Variants in GSR observed in about 807,000 individuals in gnomAD.
GSR encodes the protein glutathione reductase, mitochondrial.
A neutral mutation model predicts 56.5 loss-of-function variants in GSR; 48 were observed. That is an observed-to-expected ratio of 0.85 (90% CI 0.67 to 1.08). GSR has a LOEUF of 1.08. Among genes scored for constraint, GSR ranks in the 50% least tolerant of loss-of-function variants. GSR has a pLI of 0.00. For missense variants in GSR, 694 were observed against 703.3 expected (o/e 0.99, Z 0.15); for synonymous variants, 264 against 270.8 (o/e 0.97, Z 0.25).
rs369998485 is a variant in GSR, at chr8:30,708,147, A to G, written c.423-6T>C. On this transcript the variant is annotated splice_polypyrimidine_tract_variant and splice_region_variant and intron_variant, in intron 3 of 12. Transcript: ENST00000221130. Reference sequence around the variant, plus strand: ...CCCGCTTTTCCTTAATAACACTGCAATGAAACCCAAGTCAGTATTCAGAAA... The same window carrying G: ...CCCGCTTTTCCTTAATAACACTGCAGTGAAACCCAAGTCAGTATTCAGAAA... The G allele has an allele frequency of 1.2e-5, 19 of 1,603,160 alleles. No individual in the cohort carries two copies. The highest frequency in any genetic ancestry group is 8.9e-5 in the East Asian group (4 of 44,850).
chr8:30,709,389 G>T (rs1044474755), intron 3 of GSR, among the ~76,000 whole-genome samples: 4 of 151,942 alleles, frequency 2.6e-5, no homozygotes, highest in Non-Finnish European at 5.9e-5. Flanking sequence ...AAGGAATGAG[G>T]TTCTGATACA....
At chr8:30,702,437 G>A (rs1206360564) in intron 5 of GSR, among the ~76,000 whole-genome samples, 1 of 152,132 alleles carries the variant, frequency 6.6e-6, no homozygotes, top group Non-Finnish European at 1.5e-5. Flanking sequence ...AGAAAAATAT[G>A]CATATAAAAG....
chr8:30,702,660 T>C (rs1021298653), intron 5 of GSR, among the ~76,000 whole-genome samples: 1 of 152,006 alleles, frequency 6.6e-6, no homozygotes, highest in Non-Finnish European at 1.5e-5. Context: ...TGAAATCTCT[T>C]GGCTGGGCAC....
At chr8:30,708,311 C>T (rs181541895) in intron 3 of GSR, among the ~76,000 whole-genome samples, 170 bp from the exon 4 acceptor site, 31 of 152,280 alleles carry the variant, frequency 2.0e-4, no homozygotes, top group Middle Eastern at 3.4e-3. Flanking sequence ...CATTCTGCTG[C>T]CCCATGTGTT....
At chr8:30,725,979 A>G (rs961909271) in intron 1 of GSR, among the ~76,000 whole-genome samples, 1 of 152,160 alleles carries the variant, frequency 6.6e-6, no homozygotes, top group African/African-American at 2.4e-5. Context: ...AAGACAGAGA[A>G]AATGTGGAGA....
chr8:30,699,106 C>G (rs970967551), intron 6 of GSR, among the ~76,000 whole-genome samples: 1 of 151,936 alleles, frequency 6.6e-6, no homozygotes, highest in African/African-American at 2.4e-5. Context: ...GACAACAGAA[C>G]GAGACCCCAT....
chr8:30,707,579 G>C lies in GSR; in HGVS notation c.492+493C>G, dbSNP rs1803957802. Among the ~76,000 whole-genome samples the C allele has an allele frequency of 2.6e-5, 4 of 152,148 alleles. 1 individual carries two copies. The highest frequency in any genetic ancestry group is 2.6e-4 in the Admixed American group (4 of 15,246). ...GGAGACTGAGGTGGGAGGACTGCTT[G>C]AGCCCAGGACTTGGAGGCTACAGTG... is the stretch of plus-strand genomic sequence containing the variant. On this transcript the variant is annotated intron_variant, in intron 4 of 12. Transcript: ENST00000221130.
At chr8:30,708,814 C>T (rs2128745710) in intron 3 of GSR, among the ~76,000 whole-genome samples, 1 of 151,764 alleles carries the variant, frequency 6.6e-6, no homozygotes, top group Middle Eastern at 3.4e-3. Context: ...AAAAAATTAC[C>T]CAGGCATGCT....
At chr8:30,711,945 T>C in intron 2 of GSR, 117 bp downstream of exon 2, 1 of 670,984 alleles carries the variant, frequency 1.5e-6, no homozygotes, top group South Asian at 1.8e-5. Context: ...TAGTAGGGTC[T>C]AGGGGTTTTT....
Position 30,714,371 on chromosome 8 carries a change from T to C in GSR, c.307-2283A>G, listed in dbSNP as rs1474434754. On this transcript the variant is annotated intron_variant, in intron 1 of 12. Coordinates refer to ENST00000221130, the MANE Select transcript of GSR (RefSeq NM_000637.5). ...GACCACAGGCGTTCACCGCCATGCC[T>C]GGTATTTTTAGTAGAGACAGAGTCG... Among the ~76,000 whole-genome samples, 4 of 152,010 alleles carry C rather than the reference T, an allele frequency of 2.6e-5. 1 individual carries two copies. The South Asian group carries it at 6.2e-4, about 24-fold the overall frequency.
chr8:30,679,574 G>A lies in GSR; in HGVS notation c.1515C>T (p.Asp505=), dbSNP rs1802870856. ...VKMGATKADF[D]NTVAIHPTSS... ...AGGTAGGGTGAATGGCGACTGTGTT[G>A]TCAAAGTCTGCCTTCGTTGCTCCCA... Residue 505 remains aspartate (D), a synonymous_variant, in exon 13 of 13, where the codon GAC becomes GAT. Transcript: ENST00000221130. 2 of 1,614,052 alleles carry A rather than the reference G, an allele frequency of 1.2e-6. No individual in the cohort carries two copies. Among genetic ancestry groups the A allele is most frequent in the Non-Finnish European group, 1.7e-6 (2 of 1,179,946 alleles).
chr8:30,692,813 TCTTAGGA>T (rs1586042925), intron 8 of GSR, among the ~76,000 whole-genome samples, 149 bp downstream of exon 8: 1 of 151,858 alleles, frequency 6.6e-6, no homozygotes, highest in Non-Finnish European at 1.5e-5. Flanking sequence ...AAATACAGCT[TCTTAGGA>T]GGAAGGAAAT....
chr8:30,687,084 G>A lies in GSR; in HGVS notation c.1041+2077C>T, dbSNP rs1039542973. ...ACTCCTGACCTCAGGTGATCCACCC[G>A]CCTCAGCCTCCCAAAGAGCTGGGAT... On this transcript the variant is annotated intron_variant, in intron 9 of 12. Coordinates refer to ENST00000221130, the MANE Select transcript of GSR (RefSeq NM_000637.5). 2.0e-5 allele frequency among the ~76,000 whole-genome samples: 3 copies of A among 151,530 alleles called. No individual in the cohort carries two copies. The Admixed American group carries it at 2.0e-4, about 10-fold the overall frequency.
At chr8:30,681,905 T>C (rs200821383) in intron 11 of GSR, 25 bp downstream of exon 11, 1 of 1,611,396 alleles carries the variant, frequency 6.2e-7, no homozygotes, top group South Asian at 1.1e-5. Flanking sequence ...AAACCACAAA[T>C]GACCTTCAGT....
chr8:30,688,869 G>A (rs1803258989), intron 9 of GSR, among the ~76,000 whole-genome samples: 1 of 151,976 alleles, frequency 6.6e-6, no homozygotes, highest in South Asian at 2.1e-4. Flanking sequence ...ACTGCGGTGA[G>A]CTATGATCAC....
At chr8:30,708,934 G>A (rs1279277070) in intron 3 of GSR, among the ~76,000 whole-genome samples, 1 of 149,830 alleles carries the variant, frequency 6.7e-6, no homozygotes, top group African/African-American at 2.5e-5. Context: ...ACTCCAGCCT[G>A]GGTGACAGAG....
chr8:30,686,363 CT>C (rs374595294), intron 9 of GSR, among the ~76,000 whole-genome samples: 10 of 147,466 alleles, frequency 6.8e-5, no homozygotes, highest in Non-Finnish European at 9.0e-5. Flanking sequence ...GAGACTGAAC[CT>C]TTTTTTTTTG....
intron 5 of GSR, 133 bp downstream of exon 5, chr8:30,702,960 T>C (rs775413825): frequency 1.7e-4 from 155 of 929,704 alleles, no homozygotes; most frequent in Non-Finnish European, 2.5e-4. Context: ...AGTTAGGTTC[T>C]GCAGAGACCT....
At chr8:30,702,831 G>T (rs1249419513) in intron 5 of GSR, among the ~76,000 whole-genome samples, 1 of 152,128 alleles carries the variant, frequency 6.6e-6, no homozygotes, top group Non-Finnish European at 1.5e-5. Context: ...CCAGCTACTT[G>T]GGAGGCTGAG....
Sources: gnomAD v4.1 joint callset for allele counts (sites outside exome capture counted in the v4.1 genomes callset) on GRCh38, gnomAD v4.1.1 for gene constraint, MANE v1.5 for transcripts, NCBI Gene and HGNC (gene_info 2026-07-23, HGNC 2026-07-21) for gene names.